The following DSCAM variants were observed in gnomAD, a reference collection of about 807,000 sequenced individuals.
DSCAM encodes DS cell adhesion molecule, also known as cell adhesion molecule DSCAM.
A neutral mutation model predicts 217.7 loss-of-function variants in DSCAM; 47 were observed. That is an observed-to-expected ratio of 0.22 (90% CI 0.17 to 0.28). The LOEUF (loss-of-function observed/expected upper bound fraction) is 0.28, where lower values mean the gene tolerates loss of function less well. Ranked by LOEUF, DSCAM falls within the 10% of genes least tolerant of loss-of-function variation. The probability of loss-of-function intolerance (pLI) is 1.00; values close to 1 mark genes in which losing one functional copy is unlikely to be tolerated. For synonymous variants in DSCAM, 1,056 were observed against 1,015.3 expected, an observed-to-expected ratio of 1.04 and a Z score of -0.76; for missense variants, 2,080 against 2,618.3, an observed-to-expected ratio of 0.79 and a Z score of 4.49.
At chr21:40,663,066 T>TGTGA (rs149885428) in intron 3 of DSCAM, among the ~76,000 whole-genome samples, 120,319 of 151,084 alleles carry the variant, frequency 0.8, 49,593 homozygotes, top group East Asian at 0.98. Flanking sequence ...TGTGCGCACC[T>TGTGA]GTGTGTATGC....
chr21:40,594,742 G>A (rs984124711), intron 3 of DSCAM, among the ~76,000 whole-genome samples: 19 of 152,172 alleles, frequency 1.2e-4, no homozygotes, highest in Non-Finnish European at 2.5e-4. Context: ...ACTGTCTACA[G>A]TAACAGATGT....
At chr21:40,818,636 A>C (rs2091903630) in intron 1 of DSCAM, among the ~76,000 whole-genome samples, 1 of 148,384 alleles carries the variant, frequency 6.7e-6, no homozygotes, top group African/African-American at 2.4e-5. Flanking sequence ...GCTCTTGGAA[A>C]GCCAACGTTA....
intron 28 of DSCAM, among the ~76,000 whole-genome samples, chr21:40,061,583 AAAG>A (rs1568919742): frequency 8.9e-6 from 1 of 112,108 alleles, no homozygotes; most frequent in Non-Finnish European, 2.0e-5. Flanking sequence ...AAAAAAAAAA[AAAG>A]AAAAAGGAAA....
chr21:40,026,325 G>C (rs2088382267), intron 32 of DSCAM, among the ~76,000 whole-genome samples: 1 of 142,210 alleles, frequency 7.0e-6, no homozygotes, highest in African/African-American at 2.6e-5. Flanking sequence ...GTGTGGTGTG[G>C]TGCTGAAAAA....
At chr21:40,360,548 A>T (rs769538593) in intron 4 of DSCAM, among the ~76,000 whole-genome samples, 14 of 152,076 alleles carry the variant, frequency 9.2e-5, no homozygotes, top group Non-Finnish European at 1.6e-4. Context: ...CTTACTTATA[A>T]GTGAGAACAT....
chr21:40,211,325 A>G (rs1390866009), intron 11 of DSCAM, among the ~76,000 whole-genome samples: 1 of 152,252 alleles, frequency 6.6e-6, no homozygotes, highest in African/African-American at 2.4e-5. Context: ...TTTAGCTACT[A>G]TAAAGAAAGC....
chr21:40,429,327 C>T (rs149292192), intron 3 of DSCAM, among the ~76,000 whole-genome samples: 15 of 151,390 alleles, frequency 9.9e-5, no homozygotes, highest in South Asian at 8.4e-4. Flanking sequence ...AGTACAGTGG[C>T]GTGATCTCGG....
chr21:40,765,751 G>A (rs2091381608), intron 1 of DSCAM, among the ~76,000 whole-genome samples: 1 of 152,204 alleles, frequency 6.6e-6, no homozygotes, highest in Non-Finnish European at 1.5e-5. Context: ...CAACAGAATG[G>A]TTGTTTAATT....
At chr21:40,658,209 C>T (rs763260344) in intron 3 of DSCAM, among the ~76,000 whole-genome samples, 1 of 152,150 alleles carries the variant, frequency 6.6e-6, no homozygotes, top group African/African-American at 2.4e-5. Flanking sequence ...TGAGATTCTG[C>T]AGAGACAAAG....
chr21:40,554,196 GT>G (rs113016250), intron 3 of DSCAM, among the ~76,000 whole-genome samples: 3,938 of 132,488 alleles, frequency 0.03, 114 homozygotes, highest in African/African-American at 0.079. Flanking sequence ...TTGATTGTTA[GT>G]TTTTTTTTTT....
At chr21:40,275,571 C>G (rs1311085726) in intron 11 of DSCAM, among the ~76,000 whole-genome samples, 2 of 152,204 alleles carry the variant, frequency 1.3e-5, no homozygotes, top group Non-Finnish European at 2.9e-5. Context: ...ATTGGGCCAG[C>G]AGCGCCAGCA....
chr21:40,330,342 T>C (rs1305036689), intron 8 of DSCAM, among the ~76,000 whole-genome samples: 5 of 147,004 alleles, frequency 3.4e-5, no homozygotes, highest in Admixed American at 1.4e-4. Context: ...TATATGCATA[T>C]ATTTATATAT....
At chr21:40,138,879 G>T (rs2090250673) in intron 18 of DSCAM, among the ~76,000 whole-genome samples, 2 of 146,186 alleles carry the variant, frequency 1.4e-5, no homozygotes, top group East Asian at 4.2e-4. Context: ...GTATATGTGG[G>T]GTGTGTGTGG....
At chr21:40,053,373 A>G (rs1030247496) in intron 29 of DSCAM, among the ~76,000 whole-genome samples, 6 of 152,168 alleles carry the variant, frequency 3.9e-5, no homozygotes, top group Admixed American at 6.5e-5. Context: ...TGGCTCTTCC[A>G]CAGAGACAGC....
intron 3 of DSCAM, among the ~76,000 whole-genome samples, chr21:40,544,717 C>T (rs1047099086): frequency 6.6e-6 from 1 of 152,144 alleles, no homozygotes; most frequent in Non-Finnish European, 1.5e-5. Flanking sequence ...TTAAGCCACA[C>T]AGTTTATGTT....
At chr21:40,239,678 G>T (rs1747628112) in intron 11 of DSCAM, among the ~76,000 whole-genome samples, 1 of 152,176 alleles carries the variant, frequency 6.6e-6, no homozygotes, top group African/African-American at 2.4e-5. Flanking sequence ...TAGAAGGACA[G>T]ATGAGGCTCA....
chr21:40,350,063 T>A (rs944935192), intron 5 of DSCAM, among the ~76,000 whole-genome samples: 2 of 152,156 alleles, frequency 1.3e-5, no homozygotes, highest in Admixed American at 6.5e-5. Context: ...ATTATTATTA[T>A]TTATTTCACT....
chr21:40,482,458 T>A (rs1451246285), intron 3 of DSCAM, among the ~76,000 whole-genome samples: 1 of 152,220 alleles, frequency 6.6e-6, no homozygotes, highest in Non-Finnish European at 1.5e-5. Context: ...ACTTTTTTAT[T>A]TTTATTTTTT....
rs3069917 is a variant in DSCAM at position 40,453,040 on chromosome 21, TTGTGTGTGTGTGTGTGTGTG to T, written c.509-83815_509-83796del. 3.3e-3 allele frequency among the ~76,000 whole-genome samples: 445 copies of T among 134,426 alleles called. 4 individuals are homozygous for T. The highest frequency in any genetic ancestry group is 0.011 in the African/African-American group (378 of 35,708). 88.2% of individuals were successfully genotyped at this position (134,426 alleles called of 152,430 possible). ...CTCTGGTTCCTGAATTTTAAAGACT[TTGTGTGTGTGTGTGTGTGTG>T]TGTGTGTGTGTGTGTGTGTGTGTGT... On this transcript the variant is annotated intron_variant, in intron 3 of 32. Coordinates refer to ENST00000400454, the MANE Select transcript of DSCAM (RefSeq NM_001389.5).
Sources: allele counts gnomAD v4.1 joint callset (sites outside exome capture counted in the v4.1 genomes callset), GRCh38; gene constraint gnomAD v4.1.1; transcripts MANE v1.5; gene names NCBI Gene and HGNC (gene_info 2026-07-23, HGNC 2026-07-21).